PPP6R2: variants seen among roughly 807,000 people sequenced by gnomAD.
PPP6R2 encodes the protein serine/threonine-protein phosphatase 6 regulatory subunit 2.
A neutral mutation model predicts 100.2 loss-of-function variants in PPP6R2; 62 were observed. The ratio of observed to expected loss-of-function variants is 0.62; its 90% CI spans 0.50 to 0.76. The LOEUF (loss-of-function observed/expected upper bound fraction) is 0.76, where lower values mean the gene tolerates loss of function less well. Among genes scored for constraint, PPP6R2 ranks in the 30% least tolerant of loss-of-function variants. PPP6R2 has a pLI of 0.00. For missense variants in PPP6R2, 1,142 were observed against 1,276.3 expected (o/e 0.89, Z 1.60); for synonymous variants, 525 against 514.7 (o/e 1.02, Z -0.27).
At chr22:50,361,689 C>T (rs558525553) in intron 1 of PPP6R2, among the ~76,000 whole-genome samples, 5 of 152,114 alleles carry the variant, frequency 3.3e-5, no homozygotes, top group East Asian at 1.9e-4. Context: ...TGACCCAGGA[C>T]CCAGAGTATG....
intron 2 of PPP6R2, among the ~76,000 whole-genome samples, chr22:50,387,180 G>A (rs2054428764): frequency 6.6e-6 from 1 of 152,066 alleles, no homozygotes; most frequent in Admixed American, 6.6e-5. Flanking sequence ...CCTGCCTCAG[G>A]CTCCCGGAGT....
intron 1 of PPP6R2, among the ~76,000 whole-genome samples, chr22:50,350,658 A>G (rs1478785280): frequency 6.6e-6 from 1 of 151,812 alleles, no homozygotes; most frequent in Non-Finnish European, 1.5e-5. Flanking sequence ...ATCCTGGCTA[A>G]CACGGTGAAA....
intron 2 of PPP6R2, among the ~76,000 whole-genome samples, chr22:50,385,850 G>T: frequency 9.7e-6 from 1 of 103,180 alleles, no homozygotes; most frequent in East Asian, 3.1e-4. Context: ...TTGAGACGGA[G>T]TCTTGCTCTG....
At chr22:50,360,333 G>C (rs935624266) in intron 1 of PPP6R2, among the ~76,000 whole-genome samples, 1 of 150,088 alleles carries the variant, frequency 6.7e-6, no homozygotes, top group Non-Finnish European at 1.5e-5. Context: ...TTATAGGCGT[G>C]AGCCACCATG....
At chr22:50,426,476 G>GT (rs1387864642) in intron 10 of PPP6R2, among the ~76,000 whole-genome samples, 1 of 152,128 alleles carries the variant, frequency 6.6e-6, no homozygotes, top group Non-Finnish European at 1.5e-5. Context: ...TGTATCTGGT[G>GT]TAAAGTAAGG....
chr22:50,395,782 G>C (rs973836224), intron 3 of PPP6R2, among the ~76,000 whole-genome samples: 1 of 151,730 alleles, frequency 6.6e-6, no homozygotes, highest in African/African-American at 2.4e-5. Context: ...GCACAGGCTG[G>C]TTTCAGACTC....
Position 50,366,692 on chromosome 22 carries a change from G to A in PPP6R2, c.-147-5328G>A, listed in dbSNP as rs1279854168. Reference sequence around the variant, plus strand: ...TCAGTGCTTGGCTGGAGACTGGAGTGGGAGGTGTCCTGTGTGGATCTTCAG... The same window carrying A: ...TCAGTGCTTGGCTGGAGACTGGAGTAGGAGGTGTCCTGTGTGGATCTTCAG... On this transcript the variant is annotated intron_variant, in intron 1 of 23. Transcript: ENST00000612753. Among the ~76,000 whole-genome samples the A allele has an allele frequency of 2.0e-5, 3 of 152,162 alleles. No individual in the cohort carries two copies. The East Asian group carries it at 5.8e-4, about 29-fold the overall frequency.
chr22:50,332,343 G>A, the PPP6R2 span, among the ~76,000 whole-genome samples: 3 of 150,006 alleles, frequency 2.0e-5, no homozygotes, highest in Non-Finnish European at 4.4e-5. Flanking sequence ...CCATTCTTCT[G>A]CCTCAGCCTC....
At position 50,382,995 on chromosome 22, in the gene PPP6R2, G is replaced by A. The variant is rs189076325; in HGVS notation, c.-17+10845G>A. Among the ~76,000 whole-genome samples the A allele has an allele frequency of 5.1e-3, 775 of 152,120 alleles. 3 individuals are homozygous for A. The highest frequency in any genetic ancestry group is 9.1e-3 in the Non-Finnish European group (620 of 68,002). On this transcript the variant is annotated intron_variant, in intron 2 of 23. Coordinates refer to ENST00000612753, the MANE Select transcript of PPP6R2 (RefSeq NM_001242898.2). ...TGTGATTACAGGGATATGCCATCAC[G>A]CCTGGCTAATTTTTGTGTTTTTAGT... is the stretch of plus-strand genomic sequence containing the variant.
chr22:50,354,057 C>G (rs887151440), intron 1 of PPP6R2, among the ~76,000 whole-genome samples: 13 of 152,158 alleles, frequency 8.5e-5, no homozygotes, highest in Admixed American at 2.6e-4. Context: ...GTAATCTCAG[C>G]ACTTTTGGAG....
In PPP6R2 at chr22:50,439,694, C is replaced by G. The variant is rs1292329384; in HGVS notation, c.2129-7C>G. ...CACGCCTGACCACTGTGTCTCTCCC[C>G]CAGCAGGCGCCATGTGGACGGCAGT... On this transcript the variant is annotated splice_polypyrimidine_tract_variant and splice_region_variant and intron_variant, in intron 19 of 23. Transcript: ENST00000612753. The G allele has an allele frequency of 6.4e-7, 1 of 1,574,474 alleles. No individual in the cohort carries two copies. The highest frequency in any genetic ancestry group is 1.8e-5 in the Admixed American group (1 of 54,814).
At chr22:50,351,441 A>T (rs1033149719) in intron 1 of PPP6R2, among the ~76,000 whole-genome samples, 8 of 150,166 alleles carry the variant, frequency 5.3e-5, no homozygotes, top group Non-Finnish European at 1.0e-4. Flanking sequence ...CTGTGCACTC[A>T]AGCTTTGAAG....
At chr22:50,340,463 T>G (rs537597233), upstream of PPP6R2, among the ~76,000 whole-genome samples, 75 of 139,054 alleles carry the variant, frequency 5.4e-4, no homozygotes, top group African/African-American at 1.9e-3. Flanking sequence ...GTGTGTGGTA[T>G]GTGGTGTGTG....
rs778430055 is a variant in PPP6R2 at position 50,436,471 on chromosome 22, G to GC, written c.1602+24dup. The GC allele has an allele frequency of 1.1e-5, 17 of 1,568,012 alleles. No homozygotes were observed. Among genetic ancestry groups the GC allele is most frequent in the Non-Finnish European group, 1.5e-5 (17 of 1,156,430 alleles). On this transcript the variant is annotated intron_variant, in intron 14 of 23. Transcript: ENST00000612753. ...GGACCTGGTGAGGAGGCTCGGGGCT[G>GC]CCCCCTCGGTGCACGCACGGTGCTG...
At chr22:50,442,753 T>C (rs931863482) in intron 22 of PPP6R2, among the ~76,000 whole-genome samples, 12 of 151,628 alleles carry the variant, frequency 7.9e-5, no homozygotes, top group Non-Finnish European at 1.3e-4. Context: ...GGGGTTTCAC[T>C]GTGTTAGCCA....
intron 6 of PPP6R2, among the ~76,000 whole-genome samples, chr22:50,417,238 A>T (rs1055673049): frequency 2.4e-4 from 37 of 152,128 alleles, no homozygotes; most frequent in African/African-American, 7.9e-4. Context: ...CGCCCTCAGC[A>T]TTGCACCACA....
chr22:50,357,749 G>A (rs1042050763), intron 1 of PPP6R2, among the ~76,000 whole-genome samples: 3 of 151,726 alleles, frequency 2.0e-5, no homozygotes, highest in South Asian at 2.1e-4. Flanking sequence ...TCGGCCTCCC[G>A]AGTAGCTGGG....
intron 4 of PPP6R2, among the ~76,000 whole-genome samples, chr22:50,413,295 T>C (rs1394719556): frequency 6.6e-6 from 1 of 152,164 alleles, no homozygotes; most frequent in Admixed American, 6.6e-5. Flanking sequence ...AAATTTCTTT[T>C]CTAAATTTAC....
At chr22:50,386,457 G>A (rs1054523732) in intron 2 of PPP6R2, among the ~76,000 whole-genome samples, 6 of 152,118 alleles carry the variant, frequency 3.9e-5, no homozygotes, top group African/African-American at 1.4e-4. Flanking sequence ...TTTAACATGA[G>A]TTTTGGAGTG....
Sources: allele counts gnomAD v4.1 joint callset (sites outside exome capture counted in the v4.1 genomes callset), GRCh38; gene constraint gnomAD v4.1.1; transcripts MANE v1.5; gene names NCBI Gene and HGNC (gene_info 2026-07-23, HGNC 2026-07-21).